Variants in CTNNBL1 observed in about 807,000 individuals in gnomAD.
CTNNBL1 encodes the protein catenin beta like 1, also known as beta-catenin-like protein 1.
In CTNNBL1, 31 loss-of-function variants were observed where a neutral mutation model predicts 72.7. The ratio of observed to expected loss-of-function variants is 0.43; its 90% confidence interval spans 0.32 to 0.58. CTNNBL1 has a LOEUF of 0.58. Among genes scored for constraint, CTNNBL1 ranks in the 20% least tolerant of loss-of-function variants. The pLI is 0.08. For missense variants in CTNNBL1, 534 were observed against 725.1 expected, an observed-to-expected ratio of 0.74 and a Z score of 3.03; for synonymous variants, 240 against 267.3, an observed-to-expected ratio of 0.90 and a Z score of 1.00.
intron 13 of CTNNBL1, among the ~76,000 whole-genome samples, chr20:37,857,994 A>G (rs201689853): frequency 6.6e-6 from 1 of 152,134 alleles, no homozygotes. Flanking sequence ...AGCTCAAAGA[A>G]CAGCCGAGGC....
At chr20:37,701,032 C>T (rs2072836920) in intron 1 of CTNNBL1, among the ~76,000 whole-genome samples, 1 of 152,076 alleles carries the variant, frequency 6.6e-6, no homozygotes, top group African/African-American at 2.4e-5. Flanking sequence ...AAAGAAAATG[C>T]TTGAGAAGAG....
chr20:37,728,515 A>G (rs1270834033), intron 1 of CTNNBL1, among the ~76,000 whole-genome samples: 1 of 152,200 alleles, frequency 6.6e-6, no homozygotes, highest in Non-Finnish European at 1.5e-5. Context: ...TATGGTTGGC[A>G]CTTTGTTGAA....
intron 13 of CTNNBL1, among the ~76,000 whole-genome samples, chr20:37,844,749 C>A (rs1400166290): frequency 6.6e-6 from 1 of 152,120 alleles, no homozygotes; most frequent in Non-Finnish European, 1.5e-5. Context: ...AAATTTGAGA[C>A]CAGCCTGGCC....
At chr20:37,836,583 G>T (rs942536280) in intron 11 of CTNNBL1, among the ~76,000 whole-genome samples, 1 of 152,086 alleles carries the variant, frequency 6.6e-6, no homozygotes, top group Admixed American at 6.6e-5. Context: ...TGTTGCCCAC[G>T]TCCTGTTTGC....
chr20:37,805,398 T>G (rs1211879080), intron 11 of CTNNBL1, among the ~76,000 whole-genome samples: 29 of 137,080 alleles, frequency 2.1e-4, no homozygotes, highest in Non-Finnish European at 2.9e-4. Flanking sequence ...TGTTTTTTGT[T>G]TTTTTTTTTC....
At chr20:37,807,279 C>T (rs1275152122) in intron 11 of CTNNBL1, among the ~76,000 whole-genome samples, 2 of 152,102 alleles carry the variant, frequency 1.3e-5, no homozygotes, top group Non-Finnish European at 2.9e-5. Flanking sequence ...AGCATAGACC[C>T]CAGAATAAAG....
chr20:37,777,273 C>G (rs894275451), intron 7 of CTNNBL1, 72 bp from the exon 8 acceptor site: 2 of 1,163,390 alleles, frequency 1.7e-6, no homozygotes, highest in Non-Finnish European at 2.6e-6. Flanking sequence ...TCATAGTACT[C>G]GTGAAAAATT....
intron 4 of CTNNBL1, 142 bp from the exon 5 acceptor site, chr20:37,757,417 G>GC (rs2073374662): frequency 1.8e-6 from 1 of 545,626 alleles, no homozygotes; most frequent in East Asian, 3.2e-5. Context: ...GTAGAACCTT[G>GC]TTGAAGAGAT....
chr20:37,755,803 T>A (rs2073358435), intron 4 of CTNNBL1, among the ~76,000 whole-genome samples: 1 of 152,206 alleles, frequency 6.6e-6, no homozygotes, highest in Non-Finnish European at 1.5e-5. Flanking sequence ...TTGGAATAGG[T>A]CTTTCTCCTT....
chr20:37,750,920 T>C (rs1254110337), intron 4 of CTNNBL1: 1 of 152,162 alleles, frequency 6.6e-6, no homozygotes, highest in Admixed American at 6.5e-5. Flanking sequence ...ACACCACTGA[T>C]TGGAGCCCTG....
In CTNNBL1 at chr20:37,842,401, G is replaced by T; in HGVS notation, c.1374G>T (p.Lys458Asn). 1.2e-6 allele frequency: 2 copies of T among 1,613,618 alleles called. No homozygotes were observed. Among genetic ancestry groups the T allele is most frequent in the Non-Finnish European group, 1.7e-6 (2 of 1,179,472 alleles). Residue 458 changes from lysine (K) to asparagine (N), a missense_variant, in exon 13 of 16, where the codon AAG becomes AAT. Transcript: ENST00000361383. ...GTGCAATGCAGGTGGCGGACAAGAA[G>T]ATTGAAGGGGAAAAACACGTATGTA... The part of the protein sequence containing the change: ...YLGAMQVADK[K>N]IEGEKHDMVR...
At chr20:37,724,036 G>A (rs954783540) in intron 1 of CTNNBL1, among the ~76,000 whole-genome samples, 1 of 152,098 alleles carries the variant, frequency 6.6e-6, no homozygotes, top group Non-Finnish European at 1.5e-5. Context: ...ACTACCATCT[G>A]GTAAAAATGA....
intron 5 of CTNNBL1, 30 bp from the exon 6 acceptor site, chr20:37,765,167 C>G (rs1190024736): frequency 2.7e-5 from 40 of 1,476,368 alleles, no homozygotes; most frequent in Non-Finnish European, 3.6e-5. Context: ...TATGACATCC[C>G]TCTCTCCTTT....
At chr20:37,700,166 C>T (rs1323430395) in intron 1 of CTNNBL1, among the ~76,000 whole-genome samples, 2 of 152,074 alleles carry the variant, frequency 1.3e-5, no homozygotes, top group Admixed American at 6.5e-5. Context: ...CTGGGTGACT[C>T]AGGACAAGTC....
intron 1 of CTNNBL1, among the ~76,000 whole-genome samples, chr20:37,697,911 C>A (rs958111522): frequency 6.6e-6 from 1 of 152,156 alleles, no homozygotes; most frequent in Non-Finnish European, 1.5e-5. Context: ...AGCTTTGCTT[C>A]GTGATCATAA....
intron 5 of CTNNBL1, among the ~76,000 whole-genome samples, chr20:37,760,473 C>G (rs1056999408): frequency 1.3e-5 from 2 of 152,184 alleles, no homozygotes. Context: ...TGTTCTAGCA[C>G]TTTGTACATT....
At chr20:37,721,586 G>T (rs1239930572) in intron 1 of CTNNBL1, among the ~76,000 whole-genome samples, 11 of 152,064 alleles carry the variant, frequency 7.2e-5, no homozygotes, top group Non-Finnish European at 1.3e-4. Context: ...CTTACTTTAA[G>T]AAATAAAACA....
At chr20:37,788,579 A>C (rs1183675580) in intron 10 of CTNNBL1, among the ~76,000 whole-genome samples, 1 of 152,244 alleles carries the variant, frequency 6.6e-6, no homozygotes, top group African/African-American at 2.4e-5. Context: ...AGGGGAGGCT[A>C]GGAGTCCACT....
rs564050867 is a variant in CTNNBL1, at chr20:37,774,695, A to T, written c.751-2650A>T. ...GGTCGGTGCCTGTTATGTATACACC[A>T]GTTCCCTTAGTACAGCCACTTCATG... On this transcript the variant is annotated intron_variant, in intron 7 of 15. Transcript: ENST00000361383. 1.5e-3 allele frequency among the ~76,000 whole-genome samples: 225 copies of T among 152,296 alleles called. 1 individual carries two copies. Among genetic ancestry groups the T allele is most frequent in the Middle Eastern group, 6.8e-3 (2 of 294 alleles).
Sources: allele counts gnomAD v4.1 joint callset (sites outside exome capture counted in the v4.1 genomes callset), GRCh38; gene constraint gnomAD v4.1.1; transcripts MANE v1.5; gene names NCBI Gene and HGNC (gene_info 2026-07-23, HGNC 2026-07-21).